KCNQ5: variants seen among roughly 807,000 people sequenced by gnomAD.
The protein encoded by KCNQ5 is potassium voltage-gated channel subfamily Q member 5, also known as potassium voltage-gated channel subfamily KQT member 5.
A neutral mutation model predicts 98.2 loss-of-function variants in KCNQ5; 30 were observed. The observed-to-expected ratio is 0.31, with a 90% CI of 0.23 to 0.41. KCNQ5 has a LOEUF of 0.41. Ranked by LOEUF, KCNQ5 falls within the 10% of genes least tolerant of loss-of-function variation. The pLI is 1.00. For missense variants in KCNQ5, 835 were observed against 1,182.5 expected, an observed-to-expected ratio of 0.71 and a Z score of 4.31; for synonymous variants, 458 against 449.4, an observed-to-expected ratio of 1.02 and a Z score of -0.24.
intron 1 of KCNQ5, among the ~76,000 whole-genome samples, chr6:72,669,745 A>G (rs902584060): frequency 2.0e-5 from 3 of 151,766 alleles, no homozygotes; most frequent in South Asian, 2.1e-4. Context: ...TGTCTCCCCT[A>G]TTTTTCAAAC....
intron 1 of KCNQ5, among the ~76,000 whole-genome samples, chr6:72,752,299 G>C (rs74602483): frequency 0.011 from 1,629 of 152,206 alleles, 27 homozygotes; most frequent in African/African-American, 0.037. Flanking sequence ...GTACAGATGA[G>C]TTGATGTTGT....
intron 1 of KCNQ5, among the ~76,000 whole-genome samples, chr6:72,925,598 A>T (rs1238715482): frequency 6.6e-6 from 1 of 152,210 alleles, no homozygotes; most frequent in Admixed American, 6.6e-5. Context: ...AAAACAGAAA[A>T]CAATAACCCA....
At chr6:73,017,655 C>T (rs1021653621) in intron 2 of KCNQ5, among the ~76,000 whole-genome samples, 21 of 152,130 alleles carry the variant, frequency 1.4e-4, no homozygotes, top group African/African-American at 4.3e-4. Flanking sequence ...GACCTGGCTC[C>T]CTCCAGGGCT....
chr6:73,108,362 A>G (rs1775087801), intron 6 of KCNQ5, among the ~76,000 whole-genome samples: 1 of 152,220 alleles, frequency 6.6e-6, no homozygotes, highest in Non-Finnish European at 1.5e-5. Context: ...ATTGAGTTTT[A>G]TAGAGACTGA....
chr6:73,029,904 C>CAAAAAAAAA (rs56804434), intron 2 of KCNQ5, among the ~76,000 whole-genome samples: 2 of 78,652 alleles, frequency 2.5e-5, no homozygotes, highest in Non-Finnish European at 2.3e-5. Context: ...GACTCCGTCT[C>CAAAAAAAAA]AAAAAAAAAA....
chr6:72,771,968 G>T (rs1772916049), intron 1 of KCNQ5, among the ~76,000 whole-genome samples: 1 of 151,894 alleles, frequency 6.6e-6, no homozygotes, highest in Non-Finnish European at 1.5e-5. Context: ...TATTTCTCTG[G>T]GGAGATAGTC....
chr6:72,848,190 CA>C (rs11306575), intron 1 of KCNQ5, among the ~76,000 whole-genome samples: 56,961 of 147,734 alleles, frequency 0.39, 11,762 homozygotes, highest in East Asian at 0.57. Flanking sequence ...TCAGGACAGC[CA>C]TTTTTTTTTT....
intron 3 of KCNQ5, among the ~76,000 whole-genome samples, chr6:73,075,738 G>C (rs1773510724): frequency 6.6e-6 from 1 of 152,082 alleles, no homozygotes; most frequent in Non-Finnish European, 1.5e-5. Context: ...CATGCATTTA[G>C]AGCTGGTGGA....
At chr6:72,927,400 G>A (rs1211158455) in intron 1 of KCNQ5, among the ~76,000 whole-genome samples, 1 of 152,084 alleles carries the variant, frequency 6.6e-6, no homozygotes, top group East Asian at 1.9e-4. Context: ...GGAGAAGCAA[G>A]TCATCTCTTA....
chr6:72,654,454 G>C (rs1051665511), intron 1 of KCNQ5, among the ~76,000 whole-genome samples: 1 of 152,156 alleles, frequency 6.6e-6, no homozygotes, highest in Admixed American at 6.6e-5. Flanking sequence ...GTAAACCAAG[G>C]ATGGAAATAC....
chr6:73,095,868 G>A (rs1361271472), intron 5 of KCNQ5, among the ~76,000 whole-genome samples: 2 of 152,132 alleles, frequency 1.3e-5, no homozygotes, highest in Non-Finnish European at 2.9e-5. Flanking sequence ...GGGTCTGTGG[G>A]TCCTCTCTAT....
intron 1 of KCNQ5, among the ~76,000 whole-genome samples, chr6:72,741,489 C>T (rs889566450): frequency 3.3e-5 from 5 of 152,092 alleles, no homozygotes; most frequent in Non-Finnish European, 7.4e-5. Context: ...ACCTGGGACT[C>T]TTACTAAGAT....
intron 1 of KCNQ5, among the ~76,000 whole-genome samples, chr6:72,749,783 C>T (rs1024280539): frequency 3.3e-5 from 5 of 151,982 alleles, no homozygotes; most frequent in Admixed American, 2.0e-4. Flanking sequence ...TATTGACCTG[C>T]CACTGAGGCA....
At chr6:73,019,579 G>T (rs1007710393) in intron 2 of KCNQ5, among the ~76,000 whole-genome samples, 1 of 152,086 alleles carries the variant, frequency 6.6e-6, no homozygotes, top group Non-Finnish European at 1.5e-5. Flanking sequence ...ACATGGTTTG[G>T]AGTATTCTTC....
chr6:72,820,210 G>A (rs1775688172), intron 1 of KCNQ5, among the ~76,000 whole-genome samples: 1 of 152,168 alleles, frequency 6.6e-6, no homozygotes, highest in Non-Finnish European at 1.5e-5. Flanking sequence ...ACAAGTAGAG[G>A]ACCTCACGGT....
intron 1 of KCNQ5, among the ~76,000 whole-genome samples, chr6:72,820,300 G>A (rs986342549): frequency 6.6e-6 from 1 of 152,076 alleles, no homozygotes; most frequent in Admixed American, 6.6e-5. Flanking sequence ...AAATCACTTG[G>A]ATGAGTCATC....
chr6:72,961,215 G>C (rs1279374577), intron 1 of KCNQ5, among the ~76,000 whole-genome samples: 2 of 152,222 alleles, frequency 1.3e-5, no homozygotes, highest in Non-Finnish European at 2.9e-5. Context: ...GTGGATAAGA[G>C]TGATATAAAA....
At chr6:72,908,397 A>G (rs979654295) in intron 1 of KCNQ5, among the ~76,000 whole-genome samples, 4 of 152,142 alleles carry the variant, frequency 2.6e-5, no homozygotes, top group African/African-American at 9.6e-5. Context: ...GATAATAGAT[A>G]TGTTAATCTT....
chr6:72,821,231 A>C (rs1562004773), intron 1 of KCNQ5, among the ~76,000 whole-genome samples: 2 of 152,184 alleles, frequency 1.3e-5, no homozygotes, highest in African/African-American at 2.4e-5. Context: ...TGTTCTAAGC[A>C]ACCTGAAATC....
Sources: allele counts gnomAD v4.1 joint callset (sites outside exome capture counted in the v4.1 genomes callset), GRCh38; gene constraint gnomAD v4.1.1; transcripts MANE v1.5; gene names NCBI Gene and HGNC (gene_info 2026-07-23, HGNC 2026-07-21).